B4GALT4: variants seen among roughly 807,000 people sequenced by gnomAD.
The protein encoded by B4GALT4 is beta-1,4-galactosyltransferase 4.
In B4GALT4, 27 loss-of-function variants were observed where a neutral mutation model predicts 37.3. The ratio of observed to expected loss-of-function variants is 0.72; its 90% CI spans 0.53 to 1.00. The LOEUF is 1.00. Ranked by LOEUF, B4GALT4 falls within the 50% of genes least tolerant of loss-of-function variation. B4GALT4 has a pLI of 0.00. For missense variants in B4GALT4, 372 were observed against 413.1 expected (o/e 0.90, Z 0.86); for synonymous variants, 148 against 154.1 (o/e 0.96, Z 0.29).
intron 7 of B4GALT4, chr3:119,213,563 G>A (rs1437822396): frequency 6.6e-6 from 1 of 152,150 alleles, no homozygotes; most frequent in Non-Finnish European, 1.5e-5. Context: ...AGAAAACCAA[G>A]AAACAGCAGA....
intron 4 of B4GALT4, among the ~76,000 whole-genome samples, chr3:119,224,572 C>T (rs1009096893): frequency 6.6e-6 from 1 of 152,028 alleles, no homozygotes; most frequent in African/African-American, 2.4e-5. Context: ...ATTTATGCAA[C>T]CAATATATTG....
intron 4 of B4GALT4, chr3:119,226,378 C>G (rs2078618616): frequency 6.1e-6 from 1 of 165,038 alleles, no homozygotes; most frequent in Non-Finnish European, 1.3e-5. Context: ...TAGAGCACCA[C>G]AGCTACTAAT....
intron 4 of B4GALT4, 105 bp downstream of exon 4, chr3:119,226,704 A>T: frequency 2.2e-6 from 2 of 924,098 alleles, no homozygotes; most frequent in Admixed American, 2.5e-5. Flanking sequence ...GTTTTTGATG[A>T]TAGTCTGATG....
At chr3:119,236,829 C>G (rs543436464) in intron 2 of B4GALT4, 24 bp downstream of exon 2, 1 of 152,342 alleles carries the variant, frequency 6.6e-6, no homozygotes, top group East Asian at 1.9e-4. Context: ...AATATCAACA[C>G]TTTTCTAAGG....
At chr3:119,223,303 AG>A (rs2078501227) in intron 5 of B4GALT4, among the ~76,000 whole-genome samples, 1 of 152,238 alleles carries the variant, frequency 6.6e-6, no homozygotes, top group African/African-American at 2.4e-5. Flanking sequence ...TCAGCACCAC[AG>A]ATATGAGCAC....
intron 2 of B4GALT4, among the ~76,000 whole-genome samples, chr3:119,234,457 G>A (rs1383135398): frequency 6.6e-6 from 1 of 152,146 alleles, no homozygotes; most frequent in Non-Finnish European, 1.5e-5. Flanking sequence ...TTACCAATGT[G>A]ATTCATGTTC....
Position 119,224,224 on chromosome 3 carries a change from G to A in B4GALT4, c.508C>T (p.Arg170Ter), listed in dbSNP as rs773571617. 10 of 1,607,020 alleles carry A rather than the reference G, an allele frequency of 6.2e-6. No homozygotes were observed. Among genetic ancestry groups the A allele is most frequent in the South Asian group, 2.2e-5 (2 of 89,556 alleles). ...IHQAEGKKFNRAKLLNVGYLE... is the reference protein window; with the variant it reads ...IHQAEGKKFN ...TAGCCCACATTCAAGAGTTTGGCTC[G>A]ATTAAACTTTTTACCTTCAGCCTAG... The change falls in exon 5 of 8, where the codon CGA becomes TGA. Residue 170 changes from arginine (R) to a stop codon, truncating the protein, a stop_gained. Transcript: ENST00000393765. LOFTEE classifies it high-confidence loss of function.
At chr3:119,216,163 G>T (rs2078283815) in intron 7 of B4GALT4, 77 bp downstream of exon 7, 1 of 1,197,752 alleles carries the variant, frequency 8.3e-7, no homozygotes, top group African/African-American at 1.5e-5. Context: ...GCTCAAATCT[G>T]ATCGAATTCA....
intron 2 of B4GALT4, among the ~76,000 whole-genome samples, chr3:119,234,864 C>T (rs114299298): frequency 0.015 from 2,323 of 152,334 alleles, 35 homozygotes; most frequent in Non-Finnish European, 0.024. Flanking sequence ...TTCTAGAAGT[C>T]TGCCCCGTAG....
chr3:119,231,769 TAATA>T (rs1014371983), intron 2 of B4GALT4, among the ~76,000 whole-genome samples: 17 of 136,444 alleles, frequency 1.2e-4, no homozygotes, highest in Admixed American at 8.3e-4. Flanking sequence ...TTATTTTATT[TAATA>T]ATTTTTAATA....
Position 119,212,086 on chromosome 3 carries a change from T to G in B4GALT4, c.*463A>C. On this transcript the variant is annotated 3_prime_UTR_variant, in exon 8 of 8. Transcript: ENST00000393765. ...CGCCTTCTCACCTGACACCACCACT[T>G]CACAGATGATTGTACAGGATAAATG... The G allele has an allele frequency of 1.4e-6, 1 of 699,760 alleles. No individual in the cohort carries two copies. The highest frequency in any genetic ancestry group is 1.5e-5 in the South Asian group (1 of 67,188). The allele number at this position is 699,760 out of a possible 1,614,324, so 43.3% of individuals were successfully genotyped here.
intron 2 of B4GALT4, among the ~76,000 whole-genome samples, chr3:119,231,090 T>C (rs1450261012): frequency 2.0e-5 from 3 of 152,206 alleles, no homozygotes; most frequent in African/African-American, 7.2e-5. Flanking sequence ...GACCAACAAG[T>C]AGACACACTG....
chr3:119,218,323 A>G (rs2078351571), intron 6 of B4GALT4, among the ~76,000 whole-genome samples: 1 of 152,066 alleles, frequency 6.6e-6, no homozygotes, highest in African/African-American at 2.4e-5. Context: ...GCTCTTAACA[A>G]CCCGGTCTCC....
intron 5 of B4GALT4, 110 bp from the exon 6 acceptor site, chr3:119,218,882 A>ACTCCTGCTT: frequency 7.6e-7 from 1 of 1,314,104 alleles, no homozygotes; most frequent in Non-Finnish European, 1.0e-6. Context: ...CCACCCACCC[A>ACTCCTGCTT]CTCCTGCTTC....
intron 2 of B4GALT4, 134 bp from the exon 3 acceptor site, chr3:119,230,378 T>C (rs115834081): frequency 5.1e-4 from 209 of 409,170 alleles, no homozygotes; most frequent in African/African-American, 3.8e-3. Flanking sequence ...CACTTAGCAT[T>C]TAGAGATTCG....
At chr3:119,223,822 GGAT>G (rs1485909697) in intron 5 of B4GALT4, among the ~76,000 whole-genome samples, 32 of 152,324 alleles carry the variant, frequency 2.1e-4, no homozygotes, top group East Asian at 5.8e-4. Flanking sequence ...TGCAATGCTT[GGAT>G]GATATTTCTC....
chr3:119,234,351 C>G (rs1375053779), intron 2 of B4GALT4, among the ~76,000 whole-genome samples: 1 of 152,122 alleles, frequency 6.6e-6, no homozygotes, highest in Non-Finnish European at 1.5e-5. Context: ...AACTCCTGAC[C>G]TCAAATGATC....
intron 1 of B4GALT4, among the ~76,000 whole-genome samples, chr3:119,237,332 G>A (rs975997561): frequency 1.3e-5 from 2 of 152,194 alleles, no homozygotes; most frequent in East Asian, 3.8e-4. Flanking sequence ...AAGTCACAAA[G>A]AGCTGAGTTC....
chr3:119,226,973 C>T lies in B4GALT4; in HGVS notation c.322G>A (p.Val108Met). ...TGAGGGCGATACCGGCCTCTGGACA[C>T]TTTGGGATTTTCTGCCTGTACCTCT... is the stretch of plus-strand genomic sequence containing the variant. ...LEEVQAENPK[V>M]SRGRYRPQEC... The change falls in exon 4 of 8, where the codon GTG becomes ATG. Residue 108 changes from valine to methionine, a missense_variant. Coordinates refer to ENST00000393765, the MANE Select transcript of B4GALT4 (RefSeq NM_003778.4). The T allele has an allele frequency of 6.2e-7, 1 of 1,614,182 alleles. No homozygotes were observed.
Sources: gnomAD v4.1 joint callset for allele counts (sites outside exome capture counted in the v4.1 genomes callset) on GRCh38, gnomAD v4.1.1 for gene constraint, MANE v1.5 for transcripts, NCBI Gene and HGNC (gene_info 2026-07-23, HGNC 2026-07-21) for gene names.